Variants in ATP2B1 observed in about 807,000 individuals in gnomAD.
ATP2B1 encodes ATPase plasma membrane Ca2+ transporting 1, also known as plasma membrane calcium-transporting ATPase 1.
In ATP2B1, 14 loss-of-function variants were observed where a neutral mutation model predicts 124.2. The observed-to-expected ratio is 0.11, with a 90% confidence interval of 0.07 to 0.18. ATP2B1 has a LOEUF of 0.18. Among genes scored for constraint, ATP2B1 ranks in the 10% least tolerant of loss-of-function variants. The probability of loss-of-function intolerance (pLI) is 1.00; values close to 1 mark genes in which losing one functional copy is unlikely to be tolerated. For missense variants in ATP2B1, 763 were observed against 1,466.1 expected (o/e 0.52, Z 7.83); for synonymous variants, 449 against 492.4 (o/e 0.91, Z 1.17).
At chr12:89,592,774 A>AAC (rs1356329824) in intron 20 of ATP2B1, among the ~76,000 whole-genome samples, 2 of 152,036 alleles carry the variant, frequency 1.3e-5, no homozygotes, top group Non-Finnish European at 2.9e-5. Flanking sequence ...ACAAACTTAA[A>AAC]ACAATGTTAG....
At chr12:89,674,968 T>C (rs1237307641) in intron 1 of ATP2B1, among the ~76,000 whole-genome samples, 1 of 152,212 alleles carries the variant, frequency 6.6e-6, no homozygotes. Flanking sequence ...TTGAATCAGA[T>C]ATTTGAACAC....
intron 1 of ATP2B1, among the ~76,000 whole-genome samples, chr12:89,699,528 C>T (rs1179300625): frequency 1.3e-5 from 2 of 152,052 alleles, no homozygotes; most frequent in Non-Finnish European, 2.9e-5. Flanking sequence ...TTTTGCTATA[C>T]AAATTTTGTT....
chr12:89,682,204 C>T (rs1889440696), intron 1 of ATP2B1, among the ~76,000 whole-genome samples: 1 of 151,952 alleles, frequency 6.6e-6, no homozygotes, highest in African/African-American at 2.4e-5. Flanking sequence ...ATAAAGAAAA[C>T]TGTAAAAACA....
intron 8 of ATP2B1, 76 bp downstream of exon 8, chr12:89,626,376 TAA>T: frequency 2.1e-6 from 3 of 1,448,836 alleles, no homozygotes; most frequent in Non-Finnish European, 2.8e-6. Context: ...TTTCCAGCCT[TAA>T]GTGTGTCAAA....
intron 15 of ATP2B1, among the ~76,000 whole-genome samples, chr12:89,605,144 A>G (rs570196179): frequency 1.3e-5 from 2 of 152,354 alleles, no homozygotes; most frequent in Non-Finnish European, 2.9e-5. Flanking sequence ...GTTCAAAAAC[A>G]GGCAAAAGGA....
intron 16 of ATP2B1, 72 bp downstream of exon 16, chr12:89,604,083 T>A: frequency 1.4e-6 from 2 of 1,470,856 alleles, no homozygotes; most frequent in Non-Finnish European, 1.8e-6. Context: ...ATATTAAGTA[T>A]TTTTTAAGAG....
chr12:89,685,988 G>A (rs932340474), intron 1 of ATP2B1, among the ~76,000 whole-genome samples: 1 of 152,076 alleles, frequency 6.6e-6, no homozygotes, highest in Non-Finnish European at 1.5e-5. Context: ...CCAGAACTAT[G>A]AGAAAATAAA....
At chr12:89,630,300 T>A (rs1023120651) in intron 6 of ATP2B1, among the ~76,000 whole-genome samples, 1 of 152,204 alleles carries the variant, frequency 6.6e-6, no homozygotes, top group Non-Finnish European at 1.5e-5. Flanking sequence ...AATGGAAGTA[T>A]TCAAGTAGAT....
chr12:89,641,522 TA>T (rs758415801), intron 3 of ATP2B1, among the ~76,000 whole-genome samples: 27 of 151,994 alleles, frequency 1.8e-4, no homozygotes, highest in Non-Finnish European at 2.5e-4. Context: ...ATACAATATT[TA>T]AAAAATAATC....
chr12:89,629,633 A>G (rs1229687536), intron 6 of ATP2B1, among the ~76,000 whole-genome samples: 3 of 152,264 alleles, frequency 2.0e-5, no homozygotes, highest in Admixed American at 2.0e-4. Flanking sequence ...AGTTATAGCA[A>G]ACCAGGATTT....
At chr12:89,686,205 T>C (rs1889954829) in intron 1 of ATP2B1, among the ~76,000 whole-genome samples, 1 of 152,148 alleles carries the variant, frequency 6.6e-6, no homozygotes, top group African/African-American at 2.4e-5. Context: ...TCACCATTTT[T>C]AGATGATGGA....
chr12:89,663,302 G>A (rs910289486), intron 1 of ATP2B1, among the ~76,000 whole-genome samples: 4 of 152,130 alleles, frequency 2.6e-5, no homozygotes, highest in Non-Finnish European at 4.4e-5. Flanking sequence ...AACAGAATAA[G>A]TTAAAGGATA....
rs560085828 is a variant in ATP2B1 at position 89,670,477 on chromosome 12, C to T, written c.-221-14370G>A. Reference sequence around the variant, plus strand: ...TAGATTCAGTGAGTACATGTGCAGGCTTATTACCTGGGTATACTGCCAGAT... The same window carrying T: ...TAGATTCAGTGAGTACATGTGCAGGTTTATTACCTGGGTATACTGCCAGAT... On this transcript the variant is annotated intron_variant, in intron 1 of 20. Transcript: ENST00000428670. Among the ~76,000 whole-genome samples, 17 of 150,598 alleles carry T rather than the reference C, an allele frequency of 1.1e-4. 1 individual carries two copies. In the East Asian group the frequency reaches 3.1e-3, roughly 28 times the overall value.
At chr12:89,662,862 G>A (rs1886867505) in intron 1 of ATP2B1, among the ~76,000 whole-genome samples, 1 of 152,090 alleles carries the variant, frequency 6.6e-6, no homozygotes, top group Non-Finnish European at 1.5e-5. Context: ...GCTGCTGTCA[G>A]TTATAAACTT....
Position 89,700,145 on chromosome 12 carries a change from C to T in ATP2B1, c.-222+8451G>A, listed in dbSNP as rs150455657. Among the ~76,000 whole-genome samples the T allele has an allele frequency of 4.0e-3, 615 of 151,974 alleles. 2 individuals are homozygous for T. The highest frequency in any genetic ancestry group is 0.014 in the African/African-American group (577 of 41,446). On this transcript the variant is annotated intron_variant, in intron 1 of 20. Transcript: ENST00000428670. Reference sequence around the variant, plus strand: ...CTGGGATTACAGGCAGGAGCCACTGCGCTCGGCCAAAGACAGGGTAACATA... The same window carrying T: ...CTGGGATTACAGGCAGGAGCCACTGTGCTCGGCCAAAGACAGGGTAACATA...
In ATP2B1 at chr12:89,611,322, C is replaced by A; in HGVS notation, c.2118G>T (p.Met706Ile). ...KCQRAGITVR[M>I]VTGDNINTAR... is the part of the protein sequence containing the mutation. ...CAGTATTAATATTATCACCAGTGAC[C>A]ATCCGCACAGTAATTCCAGCCCTCT... The change falls in exon 13 of 21, where the codon ATG becomes ATT. Residue 706 changes from methionine (M) to isoleucine (I), a missense_variant. Coordinates refer to ENST00000428670, the MANE Select transcript of ATP2B1 (RefSeq NM_001366521.1). The A allele has an allele frequency of 6.3e-7, 1 of 1,587,640 alleles. No individual in the cohort carries two copies.
At chr12:89,636,054 AG>A (rs1381929172) in intron 3 of ATP2B1, among the ~76,000 whole-genome samples, 1 of 152,180 alleles carries the variant, frequency 6.6e-6, no homozygotes, top group African/African-American at 2.4e-5. Context: ...ATGAAAAAAG[AG>A]GGATAACTGA....
chr12:89,698,261 A>AG (rs1340455098), intron 1 of ATP2B1, among the ~76,000 whole-genome samples: 1 of 152,242 alleles, frequency 6.6e-6, no homozygotes, highest in East Asian at 1.9e-4. Flanking sequence ...GTCCATCAAC[A>AG]GGCGAACGGA....
At chr12:89,698,375 C>CA (rs1565929556) in intron 1 of ATP2B1, among the ~76,000 whole-genome samples, 2 of 151,854 alleles carry the variant, frequency 1.3e-5, no homozygotes, top group Non-Finnish European at 2.9e-5. Context: ...AATGTCAGAC[C>CA]AAAAAAGAAC....
Sources: gnomAD v4.1 joint callset for allele counts (sites outside exome capture counted in the v4.1 genomes callset) on GRCh38, gnomAD v4.1.1 for gene constraint, MANE v1.5 for transcripts, NCBI Gene and HGNC (gene_info 2026-07-23, HGNC 2026-07-21) for gene names.